The following TIMP3 variants were observed in gnomAD, a reference collection of about 807,000 sequenced individuals.
TIMP3 encodes the protein TIMP metallopeptidase inhibitor 3.
TIMP3 carries 11 observed loss-of-function variants against 30.0 expected under a neutral mutation model. The ratio of observed to expected loss-of-function variants is 0.37; its 90% confidence interval spans 0.23 to 0.61. TIMP3 has a LOEUF of 0.61. Among genes scored for constraint, TIMP3 ranks in the 20% least tolerant of loss-of-function variants. The pLI is 0.70. For missense variants in TIMP3, 181 were observed against 276.8 expected (o/e 0.65, Z 2.45); for synonymous variants, 112 against 111.3 (o/e 1.01, Z -0.04).
chr22:32,825,656 TC>T (rs2047383089), intron 1 of TIMP3, among the ~76,000 whole-genome samples: 3 of 56,988 alleles, frequency 5.3e-5, no homozygotes, highest in African/African-American at 2.1e-4. Context: ...AGTTTCCATC[TC>T]AAAAAAAAAA....
intron 1 of TIMP3, among the ~76,000 whole-genome samples, chr22:32,808,443 G>A (rs765595590): frequency 1.3e-5 from 2 of 152,322 alleles, no homozygotes; most frequent in South Asian, 2.1e-4. Flanking sequence ...CAAGAAGGAC[G>A]CTGGGGTCTC....
intron 1 of TIMP3, among the ~76,000 whole-genome samples, chr22:32,827,121 C>T (rs926475586): frequency 6.6e-6 from 1 of 152,224 alleles, no homozygotes; most frequent in South Asian, 2.1e-4. Context: ...AAATCTCCAG[C>T]CTCTCCTGCT....
At chr22:32,820,388 ACTC>A (rs2047213347) in intron 1 of TIMP3, among the ~76,000 whole-genome samples, 1 of 146,224 alleles carries the variant, frequency 6.8e-6, no homozygotes, top group African/African-American at 2.6e-5. Flanking sequence ...GGTGTGTTCT[ACTC>A]CGTGTGTGTG....
chr22:32,812,149 T>G (rs144522849), intron 1 of TIMP3, among the ~76,000 whole-genome samples: 3 of 152,336 alleles, frequency 2.0e-5, no homozygotes, highest in African/African-American at 7.2e-5. Context: ...TGGTGTGTAT[T>G]TCACTGAATG....
intron 1 of TIMP3, among the ~76,000 whole-genome samples, chr22:32,826,146 G>A (rs1445667938): frequency 1.3e-5 from 2 of 152,040 alleles, no homozygotes; most frequent in South Asian, 2.1e-4. Flanking sequence ...AGGAAATAAT[G>A]AGCCTGGTGT....
intron 1 of TIMP3, among the ~76,000 whole-genome samples, chr22:32,840,515 G>A (rs902398647): frequency 2.0e-5 from 3 of 149,676 alleles, no homozygotes; most frequent in African/African-American, 7.3e-5. Flanking sequence ...CCAGCCCCCA[G>A]CCCCCATGCT....
chr22:32,820,026 T>G (rs1309830443), intron 1 of TIMP3, among the ~76,000 whole-genome samples: 1 of 151,976 alleles, frequency 6.6e-6, no homozygotes, highest in African/African-American at 2.4e-5. Flanking sequence ...TTGAGGGGAT[T>G]TTTTGGTGTG....
intron 2 of TIMP3, among the ~76,000 whole-genome samples, chr22:32,852,609 T>C (rs1389304720): frequency 6.6e-6 from 1 of 152,096 alleles, no homozygotes; most frequent in East Asian, 1.9e-4. Flanking sequence ...AACCTGAGAC[T>C]CCGAGCCGCC....
intron 1 of TIMP3, among the ~76,000 whole-genome samples, chr22:32,845,559 A>G (rs1256379998): frequency 3.9e-5 from 6 of 152,044 alleles, no homozygotes; most frequent in African/African-American, 7.2e-5. Context: ...TAGGACTTCT[A>G]TTTCTTGTTG....
rs1031845451 is a variant in TIMP3 at position 32,818,866 on chromosome 22, G to A, written c.121+16744G>A. Among the ~76,000 whole-genome samples, 2 of 152,172 alleles carry A rather than the reference G, an allele frequency of 1.3e-5. 1 individual carries two copies. The highest frequency in any genetic ancestry group is 3.9e-4 in the East Asian group (2 of 5,190). The stretch of plus-strand genomic sequence containing the variant: ...GTCTGGGTAAGAATTCCCTGTCATG[G>A]GGCTCTGAAGCCACGGGCCAGGCAG... On this transcript the variant is annotated intron_variant, in intron 1 of 4. Coordinates refer to ENST00000266085, the MANE Select transcript of TIMP3 (RefSeq NM_000362.5).
chr22:32,850,276 T>C (rs774315075), intron 2 of TIMP3, among the ~76,000 whole-genome samples: 2 of 152,010 alleles, frequency 1.3e-5, no homozygotes, highest in Non-Finnish European at 2.9e-5. Context: ...CCTGCTTACC[T>C]TGGGCTTGTC....
chr22:32,861,408 A>C lies in TIMP3; in HGVS notation c.*2031A>C, dbSNP rs190591971. On this transcript the variant is annotated 3_prime_UTR_variant, in exon 5 of 5. Coordinates refer to ENST00000266085, the MANE Select transcript of TIMP3 (RefSeq NM_000362.5). ...AGTGTGAGCAGAAGCTGATGCCAGC[A>C]TGTCACTGGTTTTGAAGGGATGAGC... The C allele has an allele frequency of 1.2e-4, 19 of 152,344 alleles. No homozygotes were observed. The highest frequency in any genetic ancestry group is 1.0e-3 in the Admixed American group (16 of 15,304). 9.4% of individuals were successfully genotyped at this position (152,344 alleles called of 1,614,324 possible). A position where few individuals can be genotyped will look rare whatever the true frequency, so the allele number is the denominator to read the frequency against.
intron 4 of TIMP3, 181 bp from the exon 5 acceptor site, chr22:32,858,999 T>A (rs1444234101): frequency 1.5e-6 from 1 of 677,980 alleles, no homozygotes; most frequent in South Asian, 1.6e-5. Context: ...AAAGCACTTA[T>A]CAGAATGTCT....
At chr22:32,820,471 C>T (rs1242489209) in intron 1 of TIMP3, among the ~76,000 whole-genome samples, 1 of 152,094 alleles carries the variant, frequency 6.6e-6, no homozygotes, top group African/African-American at 2.4e-5. Flanking sequence ...GGAAAACCTG[C>T]ACCTGAAAGC....
intron 1 of TIMP3, among the ~76,000 whole-genome samples, chr22:32,804,942 C>A (rs1569237675): frequency 6.6e-6 from 1 of 152,150 alleles, no homozygotes; most frequent in South Asian, 2.1e-4. Flanking sequence ...GCGGCCTCGG[C>A]CCGGGCAAAT....
In TIMP3 at chr22:32,826,149, C is replaced by T. The variant is rs143935198; in HGVS notation, c.122-23303C>T. On this transcript the variant is annotated intron_variant, in intron 1 of 4. Coordinates refer to ENST00000266085, the MANE Select transcript of TIMP3 (RefSeq NM_000362.5). ...CTTAAGTTAAAAAGGAAATAATGAG[C>T]CTGGTGTGGTGGCTCACGCCTGTAA... Among the ~76,000 whole-genome samples, 1,267 of 152,224 alleles carry T rather than the reference C, an allele frequency of 8.3e-3. 19 individuals are homozygous for T. The highest frequency in any genetic ancestry group is 0.029 in the African/African-American group (1,186 of 41,528).
rs1200731241 is a variant in TIMP3, at chr22:32,860,942, A to G, written c.*1565A>G. ...TTTTTTTTTTTTTTGAAATAAAACTATAATATAAATTCTCCTATTAAATAA... is the reference window on the plus strand; with the variant it reads ...TTTTTTTTTTTTTTGAAATAAAACTGTAATATAAATTCTCCTATTAAATAA... On this transcript the variant is annotated 3_prime_UTR_variant, in exon 5 of 5. Transcript: ENST00000266085. 1 of 148,112 alleles carries G rather than the reference A, an allele frequency of 6.8e-6. No homozygotes were observed. The highest frequency in any genetic ancestry group is 1.5e-5 in the Non-Finnish European group (1 of 67,344). The allele number at this position is 148,112 out of a possible 1,614,324, so 9.2% of individuals were successfully genotyped here.
intron 1 of TIMP3, among the ~76,000 whole-genome samples, chr22:32,828,234 G>A (rs138330509): frequency 1.3e-5 from 2 of 152,322 alleles, no homozygotes; most frequent in East Asian, 3.9e-4. Context: ...TGTCTGTGCT[G>A]GATTCAAACT....
At chr22:32,858,271 C>A in intron 4 of TIMP3, 133 bp downstream of exon 4, 1 of 1,260,146 alleles carries the variant, frequency 7.9e-7, no homozygotes, top group Non-Finnish European at 1.1e-6. Context: ...GGCAGAGGGG[C>A]AGGTCTGAGC....
Sources: gnomAD v4.1 joint callset for allele counts (sites outside exome capture counted in the v4.1 genomes callset) on GRCh38, gnomAD v4.1.1 for gene constraint, MANE v1.5 for transcripts, NCBI Gene and HGNC (gene_info 2026-07-23, HGNC 2026-07-21) for gene names.